Variants in DMXL1 observed in about 807,000 individuals in gnomAD.
DMXL1 encodes Dmx like 1.
Under a neutral mutation model 319.2 loss-of-function variants are expected in DMXL1, and 99 were observed. The observed-to-expected ratio is 0.31, with a 90% CI of 0.26 to 0.37. The LOEUF is 0.37. Ranked by LOEUF, DMXL1 falls within the 10% of genes least tolerant of loss-of-function variation. The probability of loss-of-function intolerance (pLI) is 1.00; values close to 1 mark genes in which losing one functional copy is unlikely to be tolerated. For missense variants in DMXL1, 3,745 were observed against 3,595.6 expected (o/e 1.04, Z -1.06); for synonymous variants, 1,385 against 1,235.2 (o/e 1.12, Z -2.54).
chr5:119,142,340 C>G (rs1341093126), intron 13 of DMXL1, among the ~76,000 whole-genome samples: 1 of 151,788 alleles, frequency 6.6e-6, no homozygotes, highest in Non-Finnish European at 1.5e-5. Context: ...CTTAAATTTA[C>G]AAGAGAAAAA....
At position 119,121,059 on chromosome 5, in the gene DMXL1, A is replaced by T; in HGVS notation, c.1022A>T (p.His341Leu). The change falls in exon 9 of 44, where the codon CAT becomes CTT. Residue 341 changes from histidine to leucine, a missense_variant. By Grantham distance (99) the His-to-Leu change is moderately conservative (BLOSUM62 -3). Around this residue, in one of 4 missense-constraint regions of DMXL1, gnomAD observed 2,096 missense variants for 1,985.4 expected, o/e 1.06. Transcript: ENST00000539542. ...TGYLPHQQDP[H>L]HVHRNTPLHA... The stretch of plus-strand genomic sequence containing the variant: ...TATCTACCACATCAGCAGGATCCTC[A>T]TCATGTTCACAGGAACACTCCACTG... 1.9e-6 allele frequency: 3 copies of T among 1,613,328 alleles called. No homozygotes were observed. The highest frequency in any genetic ancestry group is 1.7e-6 in the Non-Finnish European group (2 of 1,179,516).
chr5:119,221,375 A>G (rs1394208785), intron 37 of DMXL1, among the ~76,000 whole-genome samples: 1 of 152,232 alleles, frequency 6.6e-6, no homozygotes, highest in African/African-American at 2.4e-5. Flanking sequence ...CCATAGATCA[A>G]ATATTACCCA....
At chr5:119,073,574 C>T (rs1750135798) in intron 1 of DMXL1, among the ~76,000 whole-genome samples, 1 of 152,182 alleles carries the variant, frequency 6.6e-6, no homozygotes, top group East Asian at 1.9e-4. Context: ...TAGCTTGTTG[C>T]TCAGTTCTGC....
chr5:119,193,264 C>G (rs1779012216), intron 29 of DMXL1, among the ~76,000 whole-genome samples: 1 of 152,102 alleles, frequency 6.6e-6, no homozygotes, highest in African/African-American at 2.4e-5. Context: ...CAACCTTTCT[C>G]CCAGCATTTT....
intron 1 of DMXL1, among the ~76,000 whole-genome samples, chr5:119,077,119 G>A (rs1261686442): frequency 6.6e-6 from 1 of 152,136 alleles, no homozygotes; most frequent in Non-Finnish European, 1.5e-5. Flanking sequence ...GCCTCCCAAA[G>A]TGCTGGGATT....
At position 119,203,343 on chromosome 5, in the gene DMXL1, T is replaced by C; in HGVS notation, c.7770T>C (p.Ser2590=). 4 of 1,600,840 alleles carry C rather than the reference T, an allele frequency of 2.5e-6. No homozygotes were observed. The highest frequency in any genetic ancestry group is 3.4e-6 in the Non-Finnish European group (4 of 1,175,128). ...GATCCAAACACCATCTGGCACTGTC[T>C]GTGAAGAGGCTTTGGCAGTATTTGG... is the stretch of plus-strand genomic sequence containing the variant. ...PFKSKHHLAL[S]VKRLWQYLVK... is the part of the protein sequence containing the mutation. The change falls in exon 33 of 44, where the codon TCT becomes TCC. Residue 2590 remains serine (S), a synonymous_variant. Transcript: ENST00000539542.
intron 21 of DMXL1, among the ~76,000 whole-genome samples, chr5:119,165,933 G>T (rs1164674977): frequency 1.3e-5 from 2 of 152,164 alleles, no homozygotes; most frequent in Non-Finnish European, 2.9e-5. Flanking sequence ...ACTTATGCTT[G>T]GGACAGGGAA....
chr5:119,080,804 A>T (rs1299119343), intron 1 of DMXL1, among the ~76,000 whole-genome samples: 1 of 152,138 alleles, frequency 6.6e-6, no homozygotes, highest in Non-Finnish European at 1.5e-5. Context: ...CCTCTCTGTA[A>T]TAGCTGCCTC....
In DMXL1 at chr5:119,244,521, C is replaced by T. The variant is rs1160281965; in HGVS notation, c.8867C>T (p.Ala2956Val). The change falls in exon 43 of 44, where the codon GCT becomes GTT. Residue 2956 changes from alanine (A) to valine (V), a missense_variant. Physicochemically the swap from Ala to Val is moderately conservative, Grantham distance 64 (BLOSUM62 0). Coordinates refer to ENST00000539542, the MANE Select transcript of DMXL1 (RefSeq NM_001290321.3). ...CATGATTCTCCTGTTAAAGCCGTTG[C>T]TGTTGATCCAACTGAAGAGTACTTT... ...QSHDSPVKAV[A>V]VDPTEEYFVT... is the part of the protein sequence containing the mutation. 6.2e-7 allele frequency: 1 copy of T among 1,614,160 alleles called. No individual in the cohort carries two copies. Among genetic ancestry groups the T allele is most frequent in the Admixed American group, 1.7e-5 (1 of 60,018 alleles).
rs180912144 is a variant in DMXL1 at position 119,203,827 on chromosome 5, A to T, written c.7863+391A>T. 6.6e-4 allele frequency among the ~76,000 whole-genome samples: 100 copies of T among 151,750 alleles called. 1 individual carries two copies. Among genetic ancestry groups the T allele is most frequent in the Admixed American group, 1.2e-3 (18 of 15,228 alleles). The stretch of plus-strand genomic sequence containing the variant: ...AAATTTTTTATTTATTTATTTATTT[A>T]TTTTTTCTTTGGAGATGGAGTCTTG... On this transcript the variant is annotated intron_variant, in intron 33 of 43. Coordinates refer to ENST00000539542, the MANE Select transcript of DMXL1 (RefSeq NM_001290321.3).
chr5:119,197,544 C>A (rs1229556489), intron 31 of DMXL1, among the ~76,000 whole-genome samples: 1 of 152,126 alleles, frequency 6.6e-6, no homozygotes, highest in Non-Finnish European at 1.5e-5. Context: ...GAAATACTTA[C>A]ACAGATTTAT....
intron 13 of DMXL1, among the ~76,000 whole-genome samples, chr5:119,137,255 A>T (rs1766215812): frequency 6.6e-6 from 1 of 152,204 alleles, no homozygotes; most frequent in Admixed American, 6.5e-5. Flanking sequence ...TGTTTTGGCC[A>T]GTTTCTTCTA....
intron 23 of DMXL1, 101 bp from the exon 24 acceptor site, chr5:119,170,089 A>T: frequency 7.8e-7 from 1 of 1,278,324 alleles, no homozygotes; most frequent in Non-Finnish European, 1.0e-6. Context: ...TTGTCAAAAG[A>T]CTCTTTAGAT....
intron 28 of DMXL1, among the ~76,000 whole-genome samples, chr5:119,178,936 A>G (rs1168346261): frequency 6.6e-6 from 1 of 152,186 alleles, no homozygotes; most frequent in Admixed American, 6.5e-5. Flanking sequence ...TTAACATTTT[A>G]AAGTGTGTAA....
At chr5:119,143,803 A>G (rs371948544) in intron 13 of DMXL1, 38 bp from the exon 14 acceptor site, 4 of 1,360,442 alleles carry the variant, frequency 2.9e-6, no homozygotes, top group African/African-American at 3.0e-5. Flanking sequence ...TTGCATATGA[A>G]TTGTTTAGTA....
chr5:119,094,794 A>C (rs1404785782), intron 1 of DMXL1, among the ~76,000 whole-genome samples: 2 of 152,130 alleles, frequency 1.3e-5, no homozygotes, highest in Non-Finnish European at 2.9e-5. Flanking sequence ...ATCCTTCACA[A>C]ATTACTTTGA....
At chr5:119,165,383 A>T in intron 21 of DMXL1, 103 bp downstream of exon 21, 1 of 626,668 alleles carries the variant, frequency 1.6e-6, no homozygotes, top group Non-Finnish European at 2.8e-6. Flanking sequence ...ATGTTGATTC[A>T]TGTAGATTCT....
chr5:119,126,471 A>G (rs537130346), intron 9 of DMXL1, among the ~76,000 whole-genome samples: 12 of 152,320 alleles, frequency 7.9e-5, no homozygotes, highest in South Asian at 2.1e-4. Context: ...CTGTATAACA[A>G]TAAAATATTC....
In DMXL1 at chr5:119,089,480, A is replaced by AT. The variant is rs560417068; in HGVS notation, c.88-8492dup. Among the ~76,000 whole-genome samples the AT allele has an allele frequency of 2.6e-3, 392 of 147,964 alleles. 3 individuals carry two copies. The highest frequency in any genetic ancestry group is 9.0e-3 in the African/African-American group (361 of 40,246). On this transcript the variant is annotated intron_variant, in intron 1 of 43. Transcript: ENST00000539542. ...ACCACCACACCCTGCTCATTTTTGT[A>AT]TTTTTTTAGTAGAGATGGGGTTTTG...
Sources: gnomAD v4.1 joint callset for allele counts (sites outside exome capture counted in the v4.1 genomes callset) on GRCh38, gnomAD v4.1.1 for gene constraint, gnomAD v4.1.1 regional missense constraint, MANE v1.5 for transcripts, NCBI Gene and HGNC (gene_info 2026-07-23, HGNC 2026-07-21) for gene names.